Variants in OTOA observed in about 807,000 individuals in gnomAD.
OTOA encodes the protein cancer/testis antigen 108.
A neutral mutation model predicts 110.8 loss-of-function variants in OTOA; 70 were observed. The observed-to-expected ratio is 0.63, with a 90% CI of 0.52 to 0.77. The LOEUF (loss-of-function observed/expected upper bound fraction) is 0.77. Among genes scored for constraint, OTOA ranks in the 30% least tolerant of loss-of-function variants. OTOA has a pLI of 0.00. For synonymous variants in OTOA, 373 were observed against 431.5 expected (o/e 0.86, Z 1.68); for missense variants, 917 against 1,075.8 (o/e 0.85, Z 2.06).
At chr16:21,758,293 T>G (rs925768468) in intron 28 of OTOA, among the ~76,000 whole-genome samples, 2 of 151,534 alleles carry the variant, frequency 1.3e-5, no homozygotes, top group African/African-American at 4.8e-5. Flanking sequence ...ACAGAGATGT[T>G]CCCTGCCCTC....
At chr16:21,668,369 A>G (rs1253708119) in intron 1 of OTOA, among the ~76,000 whole-genome samples, 1 of 151,848 alleles carries the variant, frequency 6.6e-6, no homozygotes, top group Non-Finnish European at 1.5e-5. Context: ...TTGGCCTCCC[A>G]AAACACTGGG....
At chr16:21,760,362 C>G (rs1900130036) in intron 28 of OTOA, 108 bp from the exon 29 acceptor site, 2 of 858,250 alleles carry the variant, frequency 2.3e-6, no homozygotes, top group East Asian at 3.1e-5. Flanking sequence ...AATCAAGGCT[C>G]TGCATCAAGT....
intron 9 of OTOA, 93 bp from the exon 10 acceptor site, chr16:21,697,682 C>G: frequency 8.7e-7 from 1 of 1,153,184 alleles, no homozygotes; most frequent in African/African-American, 1.5e-5. Flanking sequence ...AGAAGTAGGT[C>G]TTGACAGCAA....
intron 12 of OTOA, 187 bp downstream of exon 12, chr16:21,705,479 C>A: frequency 1.1e-6 from 1 of 891,314 alleles, no homozygotes; most frequent in Non-Finnish European, 1.7e-6. Flanking sequence ...CAGAAAATAG[C>A]AAAGGAACAG....
intron 1 of OTOA, among the ~76,000 whole-genome samples, chr16:21,668,634 G>GT (rs1016573391): frequency 6.6e-6 from 1 of 150,556 alleles, no homozygotes; most frequent in African/African-American, 2.4e-5. Context: ...CTAAGTTTTT[G>GT]TATCTTTAGT....
intron 8 of OTOA, among the ~76,000 whole-genome samples, chr16:21,687,873 A>C (rs1897751440): frequency 6.6e-6 from 1 of 150,920 alleles, no homozygotes; most frequent in Non-Finnish European, 1.5e-5. Context: ...CATGTTGGCC[A>C]GGCTGGTTTC....
chr16:21,727,927 T>A (rs1207170357), intron 19 of OTOA, among the ~76,000 whole-genome samples: 29 of 150,866 alleles, frequency 1.9e-4, no homozygotes, highest in Non-Finnish European at 3.0e-5. Flanking sequence ...AATGGCATGA[T>A]CATCTAGGCT....
rs1439180418 is a variant in OTOA, at chr16:21,710,229, G to A, written c.1320+126G>A. The A allele has an allele frequency of 7.4e-6, 8 of 1,077,444 alleles. No homozygotes were observed. The Admixed American group carries it at 1.7e-4, about 23-fold the overall frequency. The allele number at this position is 1,077,444 out of a possible 1,614,324, so 66.7% of individuals were successfully genotyped here. ...AAACAACATAAATTTATTTCTCACA[G>A]TTCTGGAGACTGGGAAGTCCAACAT... On this transcript the variant is annotated intron_variant, in intron 13 of 28. Transcript: ENST00000646100.
At chr16:21,684,513 G>C in intron 6 of OTOA, 1 of 1,550,694 alleles carries the variant, frequency 6.4e-7, no homozygotes, top group Non-Finnish European at 8.7e-7. Context: ...ACAAAGGCCA[G>C]CTGCTGCTGA....
At position 21,744,296 on chromosome 16, in the gene OTOA, T is replaced by C. The variant is rs537796013; in HGVS notation, c.2620-585T>C. On this transcript the variant is annotated intron_variant, in intron 23 of 28. Transcript: ENST00000646100. ...CTGGGATTACAGATGTGCGCCACCATGCACAGCTAATTTTTTTTTTTTGTA... is the reference window on the plus strand; with the variant it reads ...CTGGGATTACAGATGTGCGCCACCACGCACAGCTAATTTTTTTTTTTTGTA... Among the ~76,000 whole-genome samples the C allele has an allele frequency of 4.9e-4, 75 of 152,088 alleles. No homozygotes were observed. The South Asian group carries it at 0.016, about 32-fold the overall frequency.
rs182570032 is a variant in OTOA at position 21,734,798 on chromosome 16, T to C, written c.2302-1463T>C. Among the ~76,000 whole-genome samples, 78 of 151,814 alleles carry C rather than the reference T, an allele frequency of 5.1e-4. No homozygotes were observed. In the East Asian group the frequency reaches 7.8e-3, roughly 15 times the overall value. On this transcript the variant is annotated intron_variant, in intron 21 of 28. Coordinates refer to ENST00000646100, the MANE Select transcript of OTOA (RefSeq NM_144672.4). ...CTTGCAGTGAGCCGAGATCGTGCCC[T>C]GCACTCCAGCCTGGGTGATAGAGCG...
rs750680215 is a variant in OTOA at position 21,685,293 on chromosome 16, A to G, written c.331A>G (p.Arg111Gly). The change falls in exon 7 of 29, where the codon AGG becomes GGG. Residue 111 changes from arginine (R) to glycine (G), a missense_variant. By Grantham distance (125) the Arg-to-Gly change is moderately radical. Around this residue, in one of 6 missense-constraint regions of OTOA, gnomAD observed 840 missense variants for 910.2 expected, o/e 0.92. Coordinates refer to ENST00000646100, the MANE Select transcript of OTOA (RefSeq NM_144672.4). Reference protein sequence around the residue: ...HQPQKLLEDLRKTDAQQFRTA... With the variant: ...HQPQKLLEDLGKTDAQQFRTA... Reference sequence around the variant, plus strand: ...GCCCCAGAAGCTGCTGGAGGACCTGAGGAAGACAGACGCCCAGCAGTTCCG... The same window carrying G: ...GCCCCAGAAGCTGCTGGAGGACCTGGGGAAGACAGACGCCCAGCAGTTCCG... 2.5e-6 allele frequency: 4 copies of G among 1,613,068 alleles called. No homozygotes were observed. The highest frequency in any genetic ancestry group is 1.7e-6 in the Non-Finnish European group (2 of 1,179,300).
chr16:21,678,993 A>G (rs778657034), intron 3 of OTOA, 43 bp from the exon 4 acceptor site: 1 of 1,613,850 alleles, frequency 6.2e-7, no homozygotes, highest in South Asian at 1.1e-5. Flanking sequence ...TGGAATTGCC[A>G]ACTTTTGGTT....
chr16:21,665,453 G>T (rs910423054), intron 1 of OTOA, among the ~76,000 whole-genome samples: 6 of 152,144 alleles, frequency 3.9e-5, no homozygotes, highest in African/African-American at 1.4e-4. Flanking sequence ...TGACTGCTGG[G>T]ATTAAGGTTA....
At chr16:21,734,967 T>C (rs1384971012) in intron 21 of OTOA, among the ~76,000 whole-genome samples, 1 of 151,678 alleles carries the variant, frequency 6.6e-6, no homozygotes, top group East Asian at 1.9e-4. Flanking sequence ...AGTGAAACCT[T>C]GTCTACAATA....
chr16:21,675,095 TTC>T (rs1165750557), intron 1 of OTOA, among the ~76,000 whole-genome samples: 4 of 119,814 alleles, frequency 3.3e-5, no homozygotes, highest in African/African-American at 1.5e-4. Context: ...CTTTCTTTCT[TTC>T]TTTCTTTCTT....
Position 21,695,887 on chromosome 16 carries a change from A to ATTTTTTTTT in OTOA, c.740-1887_740-1886insTTTTTTTTT, listed in dbSNP as rs1205590889. Among the ~76,000 whole-genome samples the ATTTTTTTTT allele has an allele frequency of 1.2e-3, 75 of 61,616 alleles. 3 individuals carry two copies. Among genetic ancestry groups the ATTTTTTTTT allele is most frequent in the Non-Finnish European group, 1.9e-3 (69 of 35,644 alleles). 40.4% of individuals were successfully genotyped at this position (61,616 alleles called of 152,430 possible). ...TTGAGATATATATATATATATATAT[A>ATTTTTTTTT]TATATTTTTTTTTTTTTTTTTTTCT... On this transcript the variant is annotated intron_variant, in intron 9 of 28. Coordinates refer to ENST00000646100, the MANE Select transcript of OTOA (RefSeq NM_144672.4).
At chr16:21,674,141 A>T (rs187997255) in intron 1 of OTOA, among the ~76,000 whole-genome samples, 1 of 151,774 alleles carries the variant, frequency 6.6e-6, no homozygotes. Context: ...TTTTTCTGGG[A>T]TAAATGCCCA....
At chr16:21,701,159 T>C in intron 11 of OTOA, 132 bp downstream of exon 11, 3 of 1,365,838 alleles carry the variant, frequency 2.2e-6, no homozygotes, top group Non-Finnish European at 3.1e-6. Context: ...GTCCCATATT[T>C]CTCTGTGCAT....
Sources: gnomAD v4.1 joint callset for allele counts (sites outside exome capture counted in the v4.1 genomes callset) on GRCh38, gnomAD v4.1.1 for gene constraint, gnomAD v4.1.1 regional missense constraint, MANE v1.5 for transcripts, NCBI Gene and HGNC (gene_info 2026-07-23, HGNC 2026-07-21) for gene names.